Variants in MED12L observed in about 807,000 individuals in gnomAD.
MED12L encodes mediator of RNA polymerase II transcription subunit 12-like protein.
Under a neutral mutation model 281.3 loss-of-function variants are expected in MED12L, and 60 were observed. The observed-to-expected ratio is 0.21, with a 90% CI of 0.17 to 0.26. MED12L has a LOEUF of 0.26. Ranked by LOEUF, MED12L falls within the 10% of genes least tolerant of loss-of-function variation. The pLI is 1.00. For missense variants in MED12L, 2,146 were observed against 2,680.9 expected (o/e 0.80, Z 4.41); for synonymous variants, 974 against 987.2 (o/e 0.99, Z 0.25).
At chr3:151,371,241 A>T (rs1756148358) in intron 26 of MED12L, among the ~76,000 whole-genome samples, 1 of 152,192 alleles carries the variant, frequency 6.6e-6, no homozygotes, top group South Asian at 2.1e-4. Context: ...ACCAGGATAT[A>T]TTTTGAGTTA....
Position 151,244,891 on chromosome 3 carries a change from AAG to A in MED12L, c.2250+51231_2250+51232del, listed in dbSNP as rs544243320. On this transcript the variant is annotated intron_variant, in intron 16 of 44. Transcript: ENST00000687756. ...CGCTAGCAAGACTAATAAAGAAAAA[AAG>A]AGAGAAGAATCTAATAGACCCAATA... Among the ~76,000 whole-genome samples, 18 of 152,244 alleles carry A rather than the reference AAG, an allele frequency of 1.2e-4. No individual in the cohort carries two copies. The South Asian group carries it at 3.1e-3, about 26-fold the overall frequency.
intron 16 of MED12L, chr3:151,295,162 G>T (rs777293275): frequency 1.2e-6 from 2 of 1,612,550 alleles, no homozygotes; most frequent in Non-Finnish European, 1.7e-6. Flanking sequence ...TTCCTGGCCC[G>T]TCGCTCCTGT....
rs1329612122 is a variant in MED12L at position 151,122,848 on chromosome 3, A to G, written c.270A>G (p.Gly90=). ...AGCTTAACACTTTCCAGGACACGGG[A>G]AAGAAGAAACCACAAGTTAATGCTA... is the stretch of plus-strand genomic sequence containing the variant. ...KLKLNTFQDT[G]KKKPQVNAKD... The change falls in exon 4 of 45, where the codon GGA becomes GGG. Residue 90 remains glycine (G), a synonymous_variant. Coordinates refer to ENST00000687756, the MANE Select transcript of MED12L (RefSeq NM_001393769.1). 1 of 1,612,496 alleles carries G rather than the reference A, an allele frequency of 6.2e-7. No homozygotes were observed. The highest frequency in any genetic ancestry group is 1.1e-5 in the South Asian group (1 of 90,742).
intron 32 of MED12L, 152 bp from the exon 33 acceptor site, chr3:151,382,504 A>T (rs1055668217): frequency 1.2e-5 from 6 of 494,018 alleles, no homozygotes; most frequent in Admixed American, 8.2e-5. Flanking sequence ...TTCTTTCTGC[A>T]TGGAGGAAGA....
intron 16 of MED12L, among the ~76,000 whole-genome samples, chr3:151,258,170 G>A (rs191598118): frequency 4.6e-5 from 7 of 152,266 alleles, no homozygotes; most frequent in Admixed American, 2.0e-4. Flanking sequence ...TGGGAGTTCC[G>A]ATATGGTATG....
At chr3:151,186,580 G>A (rs1309412347) in intron 12 of MED12L, among the ~76,000 whole-genome samples, 1 of 152,092 alleles carries the variant, frequency 6.6e-6, no homozygotes, top group African/African-American at 2.4e-5. Context: ...CTTCTAGGTT[G>A]CAGACTGTTC....
intron 3 of MED12L, among the ~76,000 whole-genome samples, chr3:151,121,708 T>G (rs1307505307): frequency 6.6e-6 from 1 of 152,114 alleles, no homozygotes; most frequent in Non-Finnish European, 1.5e-5. Flanking sequence ...TCACTGAATT[T>G]ATTTTTTATT....
In MED12L at chr3:151,361,709, G is replaced by T. The variant is rs911418486; in HGVS notation, c.2957+1104G>T. ...ATTACAAATTACTGTAAGTGTGAGAGACAATATTCTGTGCTTTGCTCTTGA... is the reference window on the plus strand; with the variant it reads ...ATTACAAATTACTGTAAGTGTGAGATACAATATTCTGTGCTTTGCTCTTGA... On this transcript the variant is annotated intron_variant, in intron 21 of 44. Coordinates refer to ENST00000687756, the MANE Select transcript of MED12L (RefSeq NM_001393769.1). Among the ~76,000 whole-genome samples the T allele has an allele frequency of 2.6e-5, 4 of 152,110 alleles. No individual in the cohort carries two copies. In the East Asian group the frequency reaches 7.7e-4, roughly 29 times the overall value.
intron 20 of MED12L, among the ~76,000 whole-genome samples, chr3:151,359,117 G>C (rs1446559453): frequency 2.0e-5 from 3 of 152,036 alleles, no homozygotes; most frequent in Non-Finnish European, 4.4e-5. Flanking sequence ...AGTGTCTGTT[G>C]TTCTCATCCT....
intron 16 of MED12L, among the ~76,000 whole-genome samples, chr3:151,237,045 C>CTTTT (rs56926535): frequency 7.9e-5 from 10 of 125,854 alleles, no homozygotes; most frequent in African/African-American, 2.1e-4. Flanking sequence ...TGATGCCAAA[C>CTTTT]TTTTTTTTTT....
intron 16 of MED12L, chr3:151,214,327 C>T (rs747854349): frequency 6.2e-7 from 1 of 1,608,408 alleles, no homozygotes; most frequent in Admixed American, 1.7e-5. Flanking sequence ...CTTGTAACTT[C>T]TGAAGGCAGA....
intron 26 of MED12L, among the ~76,000 whole-genome samples, chr3:151,371,369 G>T (rs1756162677): frequency 6.6e-6 from 1 of 152,188 alleles, no homozygotes; most frequent in Admixed American, 6.5e-5. Flanking sequence ...TTTGGTACTT[G>T]CAGAATTTAG....
intron 39 of MED12L, among the ~76,000 whole-genome samples, chr3:151,400,027 A>G (rs926501896): frequency 2.0e-5 from 3 of 152,096 alleles, no homozygotes; most frequent in African/African-American, 4.8e-5. Context: ...GTGTTTTACC[A>G]TGTTGGCCAG....
rs151159740 is a variant in MED12L, at chr3:151,412,747, G to GT, written c.6141-386dup. Among the ~76,000 whole-genome samples, 1,264 of 152,224 alleles carry GT rather than the reference G, an allele frequency of 8.3e-3. 14 individuals are homozygous for GT. Among genetic ancestry groups the GT allele is most frequent in the African/African-American group, 0.029 (1,195 of 41,538 alleles). ...TTCTTAATAAGTTACCTCTAGCTCT[G>GT]TTTTTTCATTTTTAAAGTAGGGATA... On this transcript the variant is annotated intron_variant, in intron 41 of 44. Transcript: ENST00000687756.
At chr3:151,193,753 C>A in intron 16 of MED12L, 87 bp downstream of exon 16, 1 of 1,188,676 alleles carries the variant, frequency 8.4e-7, no homozygotes, top group Non-Finnish European at 1.2e-6. Flanking sequence ...CAACTGTATT[C>A]TTGACTAATA....
intron 16 of MED12L, among the ~76,000 whole-genome samples, chr3:151,245,676 A>G (rs1305633959): frequency 7.8e-6 from 1 of 127,694 alleles, no homozygotes; most frequent in Non-Finnish European, 1.7e-5. Flanking sequence ...CTGAATGGGC[A>G]AAAACTGGAA....
chr3:151,430,680 T>C (rs2108482687), intron 44 of MED12L, among the ~76,000 whole-genome samples: 1 of 133,998 alleles, frequency 7.5e-6, no homozygotes, highest in East Asian at 2.0e-4. Flanking sequence ...AAAGGTGTCC[T>C]TTGTTTAAAG....
At chr3:151,368,647 T>G (rs375755556) in intron 25 of MED12L, among the ~76,000 whole-genome samples, 10 of 64,416 alleles carry the variant, frequency 1.6e-4, no homozygotes, top group South Asian at 6.5e-4. Flanking sequence ...TTCATTTCAT[T>G]TCATTTCATT....
Position 151,086,853 on chromosome 3 carries a change from G to A in MED12L, c.-74G>A. 2 of 1,210,412 alleles carry A rather than the reference G, an allele frequency of 1.7e-6. No homozygotes were observed. Among genetic ancestry groups the A allele is most frequent in the South Asian group, 1.5e-5 (1 of 68,878 alleles). The allele number at this position is 1,210,412 out of a possible 1,614,324, so 75.0% of individuals were successfully genotyped here. On this transcript the variant is annotated 5_prime_UTR_variant, in exon 2 of 45. Transcript: ENST00000687756. ...GAGAGAGGGAGTCTGTCTGCAAAGT[G>A]CTGCTCCCTGGTGCTCAGAGGCGGC...
Sources: allele counts gnomAD v4.1 joint callset (sites outside exome capture counted in the v4.1 genomes callset), GRCh38; gene constraint gnomAD v4.1.1; transcripts MANE v1.5; gene names NCBI Gene and HGNC (gene_info 2026-07-23, HGNC 2026-07-21).